The following RPS6KC1 variants were observed in gnomAD, a reference collection of about 807,000 sequenced individuals.
RPS6KC1 encodes the protein ribosomal protein S6 kinase C1.
In RPS6KC1, 54 loss-of-function variants were observed where a neutral mutation model predicts 103.8. That is an observed-to-expected ratio of 0.52 (90% CI 0.42 to 0.65). RPS6KC1 has a LOEUF of 0.65. Among genes scored for constraint, RPS6KC1 ranks in the 30% least tolerant of loss-of-function variants. The pLI, the probability that RPS6KC1 is intolerant of heterozygous loss-of-function variation, is 0.00. For synonymous variants in RPS6KC1, 439 were observed against 438.7 expected, an observed-to-expected ratio of 1.00 and a Z score of -0.01; for missense variants, 1,151 against 1,253.8, an observed-to-expected ratio of 0.92 and a Z score of 1.24.
intron 6 of RPS6KC1, among the ~76,000 whole-genome samples, chr1:213,152,639 A>G (rs1215394864): frequency 5.8e-5 from 8 of 138,190 alleles, no homozygotes; most frequent in Non-Finnish European, 1.2e-4. Flanking sequence ...ATCTCAGACG[A>G]TGGGCGGCCG....
At chr1:213,715,621 A>G in the RPS6KC1 span, among the ~76,000 whole-genome samples, 21 of 152,348 alleles carry the variant, frequency 1.4e-4, no homozygotes, top group Admixed American at 4.6e-4. Context: ...GAGAGCTTTA[A>G]AAACAAAGAC....
At chr1:213,613,972 C>G in the RPS6KC1 span, among the ~76,000 whole-genome samples, 1 of 152,218 alleles carries the variant, frequency 6.6e-6, no homozygotes, top group African/African-American at 2.4e-5. Context: ...TGGGCTTTTA[C>G]TGCGGCTGGG....
chr1:213,332,744 G>A, the RPS6KC1 span, among the ~76,000 whole-genome samples: 722 of 152,246 alleles, frequency 4.7e-3, 9 homozygotes, highest in African/African-American at 0.016. Context: ...TGCCCAGAAG[G>A]CCGACCTCAG....
chr1:213,316,314 A>G, the RPS6KC1 span, among the ~76,000 whole-genome samples: 13 of 152,206 alleles, frequency 8.5e-5, no homozygotes, highest in Non-Finnish European at 1.8e-4. Context: ...TTCTTTGTAA[A>G]TTACCCAGTC....
At chr1:213,524,774 G>C in the RPS6KC1 span, among the ~76,000 whole-genome samples, 2 of 152,070 alleles carry the variant, frequency 1.3e-5, no homozygotes, top group Non-Finnish European at 2.9e-5. Context: ...ACTTGCACCT[G>C]GTGGCTATTC....
chr1:213,374,727 G>A, the RPS6KC1 span, among the ~76,000 whole-genome samples: 667 of 152,216 alleles, frequency 4.4e-3, 11 homozygotes, highest in Non-Finnish European at 5.7e-3. Context: ...GCTGACCTTC[G>A]GATAATGAAT....
chr1:213,445,986 T>A, the RPS6KC1 span, among the ~76,000 whole-genome samples: 545 of 152,124 alleles, frequency 3.6e-3, 3 homozygotes, highest in African/African-American at 0.013. Flanking sequence ...ACAGGGTGAG[T>A]CGGTGGTGGC....
the RPS6KC1 span, among the ~76,000 whole-genome samples, chr1:213,734,615 C>G: frequency 2.6e-5 from 4 of 151,914 alleles, no homozygotes; most frequent in African/African-American, 9.7e-5. Flanking sequence ...AAAACACCAA[C>G]CCCCTAAAAT....
At chr1:213,424,416 GT>G in the RPS6KC1 span, among the ~76,000 whole-genome samples, 1 of 152,258 alleles carries the variant, frequency 6.6e-6, no homozygotes, top group Admixed American at 6.5e-5. Flanking sequence ...GAAGAAATGG[GT>G]TTAGGTAACT....
chr1:213,282,914 A>G, the RPS6KC1 span, among the ~76,000 whole-genome samples: 1 of 152,218 alleles, frequency 6.6e-6, no homozygotes, highest in Admixed American at 6.5e-5. Context: ...AATTAGGGCA[A>G]ATGATATGCT....
rs548126865 is a variant in RPS6KC1 at position 213,203,061 on chromosome 1, T to A, written c.1044+26569T>A. On this transcript the variant is annotated intron_variant, in intron 8 of 14. Coordinates refer to ENST00000366960, the MANE Select transcript of RPS6KC1 (RefSeq NM_012424.6). Reference sequence around the variant, plus strand: ...ATGGGTCAAACAGTATATATGCACATTTTAAACTCTCCAGAAATATTACAG... The same window carrying A: ...ATGGGTCAAACAGTATATATGCACAATTTAAACTCTCCAGAAATATTACAG... Among the ~76,000 whole-genome samples, 13 of 152,268 alleles carry A rather than the reference T, an allele frequency of 8.5e-5. 1 individual carries two copies. In the South Asian group the frequency reaches 2.5e-3, roughly 29 times the overall value.
chr1:213,602,190 T>TTTCTTTCCTTTCTTTTTCCC, the RPS6KC1 span, among the ~76,000 whole-genome samples: 1 of 60,580 alleles, frequency 1.7e-5, no homozygotes, highest in African/African-American at 6.9e-5. Flanking sequence ...TTCTTTCTTT[T>TTTCTTTCCTTTCTTTTTCCC]TCCCTCCCTC....
chr1:213,551,174 C>A, the RPS6KC1 span, among the ~76,000 whole-genome samples: 1 of 152,196 alleles, frequency 6.6e-6, no homozygotes, highest in South Asian at 2.1e-4. Context: ...ATCCAGACTG[C>A]TTTGACTTTT....
the RPS6KC1 span, among the ~76,000 whole-genome samples, chr1:213,557,626 A>G: frequency 3.9e-5 from 6 of 152,182 alleles, no homozygotes; most frequent in African/African-American, 1.4e-4. Context: ...TTTATTTACT[A>G]TGTGGGTATT....
chr1:213,814,915 A>C, the RPS6KC1 span, among the ~76,000 whole-genome samples: 20 of 152,198 alleles, frequency 1.3e-4, no homozygotes, highest in African/African-American at 4.6e-4. Flanking sequence ...GCAAACTCAT[A>C]GATTCTCCAT....
In RPS6KC1 at chr1:213,202,145, C is replaced by T. The variant is rs373142429; in HGVS notation, c.1044+25653C>T. Among the ~76,000 whole-genome samples, 23 of 152,266 alleles carry T rather than the reference C, an allele frequency of 1.5e-4. 1 individual carries two copies. Among genetic ancestry groups the T allele is most frequent in the Admixed American group, 1.1e-3 (17 of 15,286 alleles). On this transcript the variant is annotated intron_variant, in intron 8 of 14. Transcript: ENST00000366960. The stretch of plus-strand genomic sequence containing the variant: ...AGATCAAGGGTTTAAACTCAGGTCT[C>T]TTTCCAAAACTATAGCTCTTTATCA...
rs148373695 is a variant in RPS6KC1, at chr1:213,259,540, G to A, written c.2912-2018G>A. 7.6e-3 allele frequency among the ~76,000 whole-genome samples: 1,164 copies of A among 152,258 alleles called. 21 individuals are homozygous for A. Among genetic ancestry groups the A allele is most frequent in the African/African-American group, 0.027 (1,103 of 41,556 alleles). ...ATTGTGCCACTGCACTCCAGCTTGG[G>A]CTACAGAGTGAGACTCCGTCTCAAA... On this transcript the variant is annotated intron_variant, in intron 12 of 14. Transcript: ENST00000366960.
the RPS6KC1 span, among the ~76,000 whole-genome samples, chr1:213,363,738 CTCT>C: frequency 1.7e-5 from 2 of 120,848 alleles, no homozygotes; most frequent in African/African-American, 6.5e-5. Flanking sequence ...TTCTTTCTTT[CTCT>C]CTTCTTTCTC....
chr1:213,554,789 C>T, the RPS6KC1 span, among the ~76,000 whole-genome samples: 1 of 152,138 alleles, frequency 6.6e-6, no homozygotes, highest in Non-Finnish European at 1.5e-5. Flanking sequence ...TCAGTGCTTC[C>T]TTTGCTCTGG....
Sources: gnomAD v4.1 joint callset for allele counts (sites outside exome capture counted in the v4.1 genomes callset) on GRCh38, gnomAD v4.1.1 for gene constraint, MANE v1.5 for transcripts, NCBI Gene and HGNC (gene_info 2026-07-23, HGNC 2026-07-21) for gene names.